SORBS2: variants seen among roughly 807,000 people sequenced by gnomAD.
SORBS2 encodes sorbin and SH3 domain-containing protein 2.
SORBS2 carries 46 observed loss-of-function variants against 97.7 expected under a neutral mutation model. That is an observed-to-expected ratio of 0.47 (90% CI 0.37 to 0.60). The LOEUF is 0.60. Among genes scored for constraint, SORBS2 ranks in the 20% least tolerant of loss-of-function variants. The probability of loss-of-function intolerance (pLI) is 0.00; values close to 1 mark genes in which losing one functional copy is unlikely to be tolerated. For synonymous variants in SORBS2, 476 were observed against 473.4 expected, an observed-to-expected ratio of 1.01 and a Z score of -0.07; for missense variants, 1,316 against 1,282.3, an observed-to-expected ratio of 1.03 and a Z score of -0.40.
At chr4:185,765,449 A>T (rs1241571923) in intron 2 of SORBS2, among the ~76,000 whole-genome samples, 1 of 152,226 alleles carries the variant, frequency 6.6e-6, no homozygotes, top group Non-Finnish European at 1.5e-5. Flanking sequence ...ATGTGGACAC[A>T]AATGATTTTT....
intron 1 of SORBS2, among the ~76,000 whole-genome samples, chr4:185,808,862 A>C (rs1198339889): frequency 6.6e-6 from 1 of 152,204 alleles, no homozygotes; most frequent in Non-Finnish European, 1.5e-5. Flanking sequence ...TTCCATAACA[A>C]ATTTGTAATA....
chr4:185,634,870 A>T (rs2096968272), intron 4 of SORBS2, among the ~76,000 whole-genome samples: 1 of 152,190 alleles, frequency 6.6e-6, no homozygotes, highest in South Asian at 2.1e-4. Context: ...TGCCAGCCCT[A>T]TTCTTGACTG....
At chr4:185,735,254 G>A (rs1308998005) in intron 2 of SORBS2, among the ~76,000 whole-genome samples, 1 of 152,078 alleles carries the variant, frequency 6.6e-6, no homozygotes, top group Non-Finnish European at 1.5e-5. Flanking sequence ...TCAAGGGATG[G>A]CCCTGATTTC....
At chr4:185,809,783 G>A (rs1224083454) in intron 1 of SORBS2, among the ~76,000 whole-genome samples, 1 of 152,148 alleles carries the variant, frequency 6.6e-6, no homozygotes, top group Non-Finnish European at 1.5e-5. Flanking sequence ...GTGGGCTAAG[G>A]GTCTTGTCTC....
chr4:185,658,898 G>C (rs559625181), upstream of SORBS2, among the ~76,000 whole-genome samples: 16 of 152,026 alleles, frequency 1.1e-4, no homozygotes, highest in African/African-American at 3.9e-4. Context: ...AGTAGAGACG[G>C]GGTTTCACCA....
At chr4:185,683,014 C>CAAAAAAA (rs35410308) in intron 2 of SORBS2, among the ~76,000 whole-genome samples, 1 of 109,454 alleles carries the variant, frequency 9.1e-6, no homozygotes, top group African/African-American at 3.4e-5. Flanking sequence ...CCACCCGTCT[C>CAAAAAAA]AAAAAAAAAA....
intron 1 of SORBS2, among the ~76,000 whole-genome samples, chr4:185,939,730 G>A (rs1265984303): frequency 1.3e-5 from 2 of 151,892 alleles, no homozygotes; most frequent in Non-Finnish European, 2.9e-5. Context: ...GGCTGGTCTC[G>A]AACTCCCAAC....
intron 1 of SORBS2, among the ~76,000 whole-genome samples, chr4:185,917,030 C>A (rs1420149924): frequency 6.6e-6 from 1 of 152,156 alleles, no homozygotes; most frequent in African/African-American, 2.4e-5. Flanking sequence ...TTAAGTGGAT[C>A]ACCAATGGCC....
At chr4:185,814,398 A>T (rs943223640) in intron 1 of SORBS2, among the ~76,000 whole-genome samples, 7 of 151,720 alleles carry the variant, frequency 4.6e-5, no homozygotes, top group Non-Finnish European at 7.4e-5. Context: ...ACAATTAGCC[A>T]GGCATGGTGG....
At chr4:185,630,485 T>C in intron 5 of SORBS2, 64 bp downstream of exon 17, 1 of 1,028,830 alleles carries the variant, frequency 9.7e-7, no homozygotes, top group South Asian at 1.6e-5. Context: ...CACTGAATAA[T>C]TTTATTGTTG....
At chr4:185,820,317 G>A (rs2099195986) in intron 1 of SORBS2, among the ~76,000 whole-genome samples, 1 of 152,254 alleles carries the variant, frequency 6.6e-6, no homozygotes. Flanking sequence ...CAGCCAGCAG[G>A]AGGCCTTTTC....
intron 1 of SORBS2, among the ~76,000 whole-genome samples, chr4:185,863,379 C>G (rs913889811): frequency 6.6e-6 from 1 of 152,198 alleles, no homozygotes; most frequent in African/African-American, 2.4e-5. Context: ...TGGATCATTA[C>G]AGTACTGTGC....
chr4:185,735,059 C>A (rs756208468), intron 2 of SORBS2, among the ~76,000 whole-genome samples: 1 of 152,224 alleles, frequency 6.6e-6, no homozygotes, highest in Non-Finnish European at 1.5e-5. Flanking sequence ...CTCTCTCAGA[C>A]ACATTATAAG....
At chr4:185,598,992 T>C (rs1048158085) in intron 12 of SORBS2, among the ~76,000 whole-genome samples, 1 of 152,236 alleles carries the variant, frequency 6.6e-6, no homozygotes, top group African/African-American at 2.4e-5. Flanking sequence ...GCTTTGGCTC[T>C]GGAAGGCCAT....
intron 1 of SORBS2, among the ~76,000 whole-genome samples, chr4:185,864,879 T>C (rs2099225899): frequency 1.3e-5 from 2 of 148,558 alleles, no homozygotes; most frequent in Admixed American, 6.7e-5. Flanking sequence ...GCCACTGCAC[T>C]CCAGCCTGGG....
intron 2 of SORBS2, among the ~76,000 whole-genome samples, chr4:185,705,085 CACACGT>C (rs1168765945): frequency 6.6e-6 from 1 of 152,226 alleles, no homozygotes; most frequent in Non-Finnish European, 1.5e-5. Context: ...CATGCACAGG[CACACGT>C]ACACATGCTG....
intron 1 of SORBS2, among the ~76,000 whole-genome samples, chr4:185,837,252 G>C (rs1475851015): frequency 6.8e-6 from 1 of 147,176 alleles, no homozygotes; most frequent in African/African-American, 2.5e-5. Flanking sequence ...TTTGTCCCTA[G>C]AAAAAAAAAA....
chr4:185,822,647 C>T (rs1019473057), intron 1 of SORBS2, among the ~76,000 whole-genome samples: 12 of 152,212 alleles, frequency 7.9e-5, no homozygotes, highest in East Asian at 1.9e-4. Context: ...GGCACAGCCA[C>T]GCCATGGGAG....
At chr4:185,848,327 G>T (rs1428142876) in intron 1 of SORBS2, among the ~76,000 whole-genome samples, 1 of 152,122 alleles carries the variant, frequency 6.6e-6, no homozygotes, top group East Asian at 1.9e-4. Flanking sequence ...GAATAAAAGA[G>T]AAGTAAAAGT....
Sources: allele counts gnomAD v4.1 joint callset (sites outside exome capture counted in the v4.1 genomes callset), GRCh38; gene constraint gnomAD v4.1.1; transcripts MANE v1.5; gene names NCBI Gene and HGNC (gene_info 2026-07-23, HGNC 2026-07-21).